CAPZB: variants seen among roughly 807,000 people sequenced by gnomAD.
CAPZB encodes capping actin protein of muscle Z-line subunit beta, also known as F-actin-capping protein subunit beta.
A neutral mutation model predicts 38.1 loss-of-function variants in CAPZB; 2 were observed. That is an observed-to-expected ratio of 0.05 (90% CI 0.02 to 0.17). The LOEUF (loss-of-function observed/expected upper bound fraction) is 0.17, where lower values mean the gene tolerates loss of function less well. Ranked by LOEUF, CAPZB falls within the 10% of genes least tolerant of loss-of-function variation. The pLI is 1.00. For missense variants in CAPZB, 161 were observed against 334.2 expected, an observed-to-expected ratio of 0.48 and a Z score of 4.04; for synonymous variants, 107 against 127.4, an observed-to-expected ratio of 0.84 and a Z score of 1.08.
chr1:19,468,570 A>AGCAGG (rs1051826147), intron 1 of CAPZB, among the ~76,000 whole-genome samples: 2 of 152,034 alleles, frequency 1.3e-5, no homozygotes, highest in African/African-American at 2.4e-5. Context: ...GGTGGGGCGG[A>AGCAGG]GCAGGGCAGG....
At chr1:19,422,996 T>C (rs1250221090) in intron 1 of CAPZB, among the ~76,000 whole-genome samples, 1 of 151,912 alleles carries the variant, frequency 6.6e-6, no homozygotes, top group African/African-American at 2.4e-5. Flanking sequence ...TAACCCTTCT[T>C]CGGTGCCTGT....
chr1:19,404,336 G>T (rs1468478730), intron 2 of CAPZB, among the ~76,000 whole-genome samples: 1 of 151,130 alleles, frequency 6.6e-6, no homozygotes, highest in Non-Finnish European at 1.5e-5. Context: ...TTGAGGTCAG[G>T]AGTTTGAAAC....
rs35288971 is a variant in CAPZB, at chr1:19,460,574, C to CTTTT, written c.3+24858_3+24861dup. ...ACAGGCGTGAGCCACTGTGCCCAGG[C>CTTTT]TTTTTTTTTTTTTTTTTTTTTTTGT... is the stretch of plus-strand genomic sequence containing the variant. On this transcript the variant is annotated intron_variant, in intron 1 of 8. Coordinates refer to ENST00000264202, the MANE Select transcript of CAPZB (RefSeq NM_004930.5). 7.1e-3 allele frequency among the ~76,000 whole-genome samples: 648 copies of CTTTT among 90,966 alleles called. 23 individuals are homozygous for CTTTT. The highest frequency in any genetic ancestry group is 0.011 in the African/African-American group (249 of 21,760). The allele number at this position is 90,966 out of a possible 152,430, so 59.7% of individuals were successfully genotyped here. A position where few individuals can be genotyped will look rare whatever the true frequency, so the allele number is the denominator to read the frequency against.
chr1:19,418,614 C>A (rs917277843), intron 2 of CAPZB, among the ~76,000 whole-genome samples: 1 of 152,196 alleles, frequency 6.6e-6, no homozygotes, highest in African/African-American at 2.4e-5. Flanking sequence ...CCTCCACAGG[C>A]TCCGCTCTGT....
At chr1:19,372,701 C>A (rs1417058763) in intron 4 of CAPZB, among the ~76,000 whole-genome samples, 1 of 152,224 alleles carries the variant, frequency 6.6e-6, no homozygotes, top group African/African-American at 2.4e-5. Context: ...AAAGCAGAGT[C>A]GGCTCTGCTG....
At chr1:19,429,670 C>T (rs1380693134) in intron 1 of CAPZB, among the ~76,000 whole-genome samples, 1 of 152,206 alleles carries the variant, frequency 6.6e-6, no homozygotes, top group African/African-American at 2.4e-5. Flanking sequence ...TCTGCCAGGA[C>T]TTTTACATAA....
chr1:19,396,245 G>A (rs1570121377), intron 2 of CAPZB, among the ~76,000 whole-genome samples: 2 of 152,212 alleles, frequency 1.3e-5, no homozygotes, highest in South Asian at 2.1e-4. Flanking sequence ...CTTCTGAAGC[G>A]TTGGTGGGAT....
chr1:19,479,846 C>A (rs576794049), intron 1 of CAPZB, among the ~76,000 whole-genome samples: 5 of 152,214 alleles, frequency 3.3e-5, no homozygotes, highest in Non-Finnish European at 7.3e-5. Context: ...CTTAGCAACT[C>A]AGGCACTCCA....
chr1:19,342,868 C>A, intron 8 of CAPZB: 1 of 1,562,790 alleles, frequency 6.4e-7, no homozygotes, highest in Non-Finnish European at 8.8e-7. Context: ...AATAGATCTA[C>A]AGAGAGTGTT....
chr1:19,484,017 C>T (rs1215744885), intron 1 of CAPZB, among the ~76,000 whole-genome samples: 1 of 152,206 alleles, frequency 6.6e-6, no homozygotes, highest in Non-Finnish European at 1.5e-5. Flanking sequence ...CTGGCCCTTC[C>T]AACCTAAGTG....
intron 1 of CAPZB, among the ~76,000 whole-genome samples, chr1:19,425,577 T>C (rs1274239563): frequency 6.6e-6 from 1 of 152,210 alleles, no homozygotes; most frequent in Admixed American, 6.5e-5. Context: ...TATTTTGGTA[T>C]ATAAACTGAG....
chr1:19,358,906 G>T (rs928946316), intron 4 of CAPZB, among the ~76,000 whole-genome samples: 1 of 152,226 alleles, frequency 6.6e-6, no homozygotes, highest in East Asian at 1.9e-4. Flanking sequence ...TTGGGAGTCA[G>T]ACAGACCCAA....
At chr1:19,432,057 A>AAAAAAAAAG (rs1558256168) in intron 1 of CAPZB, among the ~76,000 whole-genome samples, 1 of 92,592 alleles carries the variant, frequency 1.1e-5, no homozygotes, top group African/African-American at 6.7e-5. Context: ...AAAAAAAAAA[A>AAAAAAAAAG]AAAAAAAAGA....
At chr1:19,424,523 CT>C (rs1274484486) in intron 1 of CAPZB, 2 of 152,398 alleles carry the variant, frequency 1.3e-5, no homozygotes, top group African/African-American at 4.8e-5. Flanking sequence ...AATATGGTGA[CT>C]TCCTGGGAGC....
chr1:19,482,334 G>GAGTTGAACAATGTA (rs2094632491), intron 1 of CAPZB, among the ~76,000 whole-genome samples: 1 of 152,250 alleles, frequency 6.6e-6, no homozygotes, highest in Non-Finnish European at 1.5e-5. Context: ...TGAACAATGT[G>GAGTTGAACAATGTA]TCTTATCCAC....
Position 19,462,758 on chromosome 1 carries a change from A to G in CAPZB, c.3+22678T>C, listed in dbSNP as rs188767968. On this transcript the variant is annotated intron_variant, in intron 1 of 8. Coordinates refer to ENST00000264202, the MANE Select transcript of CAPZB (RefSeq NM_004930.5). ...AGAATTCTTTAAAGAAAAGTTCTCAATGGGAGTCAACATTCATCAGCACCC... is the reference window on the plus strand; with the variant it reads ...AGAATTCTTTAAAGAAAAGTTCTCAGTGGGAGTCAACATTCATCAGCACCC... Among the ~76,000 whole-genome samples, 40 of 152,358 alleles carry G rather than the reference A, an allele frequency of 2.6e-4. No individual in the cohort carries two copies. The East Asian group carries it at 6.0e-3, about 23-fold the overall frequency.
At chr1:19,421,489 G>T (rs774971212) in intron 1 of CAPZB, among the ~76,000 whole-genome samples, 2 of 152,228 alleles carry the variant, frequency 1.3e-5, no homozygotes, top group African/African-American at 4.8e-5. Flanking sequence ...CCTGCAAAGA[G>T]AAAAGAAAAA....
intron 1 of CAPZB, chr1:19,484,679 C>A: frequency 8.8e-7 from 1 of 1,134,968 alleles, no homozygotes; most frequent in South Asian, 1.9e-5. Context: ...GACCCTGGGT[C>A]GTGCACCAGG....
intron 6 of CAPZB, among the ~76,000 whole-genome samples, chr1:19,346,657 C>T (rs2093962560): frequency 6.6e-6 from 1 of 151,916 alleles, no homozygotes; most frequent in South Asian, 2.1e-4. Flanking sequence ...GACTGACTTT[C>T]AGGCTGTGAA....
Sources: allele counts gnomAD v4.1 joint callset (sites outside exome capture counted in the v4.1 genomes callset), GRCh38; gene constraint gnomAD v4.1.1; transcripts MANE v1.5; gene names NCBI Gene and HGNC (gene_info 2026-07-23, HGNC 2026-07-21).